MYT1L: variants seen among roughly 807,000 people sequenced by gnomAD.
The protein encoded by MYT1L is myelin transcription factor 1-like protein.
In MYT1L, 12 loss-of-function variants were observed where a neutral mutation model predicts 126.7. That is an observed-to-expected ratio of 0.09 (90% CI 0.06 to 0.15). MYT1L has a LOEUF of 0.15. MYT1L is among the 10% of genes least tolerant of loss of function. MYT1L has a pLI of 1.00. For synonymous variants in MYT1L, 541 were observed against 604.2 expected, an observed-to-expected ratio of 0.90 and a Z score of 1.53; for missense variants, 979 against 1,585.2, an observed-to-expected ratio of 0.62 and a Z score of 6.49.
chr2:2,265,489 C>A (rs1435496194), intron 2 of MYT1L, among the ~76,000 whole-genome samples: 1 of 152,004 alleles, frequency 6.6e-6, no homozygotes, highest in Non-Finnish European at 1.5e-5. Context: ...AGAGCTGCAG[C>A]CAGTGGCATG....
intron 21 of MYT1L, among the ~76,000 whole-genome samples, chr2:1,832,658 G>A (rs763377828): frequency 1.9e-4 from 29 of 152,066 alleles, no homozygotes; most frequent in Non-Finnish European, 3.5e-4. Flanking sequence ...GCTCTCCTCC[G>A]CGGCCACCAA....
At chr2:1,821,880 A>G (rs2038586055) in intron 21 of MYT1L, among the ~76,000 whole-genome samples, 2 of 152,256 alleles carry the variant, frequency 1.3e-5, no homozygotes, top group East Asian at 3.9e-4. Flanking sequence ...TCCTGTTTCC[A>G]GCTCTTCCTA....
intron 2 of MYT1L, among the ~76,000 whole-genome samples, chr2:2,200,356 T>G (rs2148819294): frequency 6.6e-6 from 1 of 152,286 alleles, no homozygotes; most frequent in Admixed American, 6.5e-5. Context: ...GCGAACTGCC[T>G]TCCTTGTGGA....
chr2:2,272,237 C>A (rs1281949897), intron 2 of MYT1L, among the ~76,000 whole-genome samples: 1 of 152,176 alleles, frequency 6.6e-6, no homozygotes, highest in African/African-American at 2.4e-5. Flanking sequence ...ACCCTTATTG[C>A]CCAGCTCTCT....
intron 9 of MYT1L, among the ~76,000 whole-genome samples, chr2:1,939,781 A>T (rs1200382073): frequency 6.6e-6 from 1 of 152,238 alleles, no homozygotes; most frequent in East Asian, 1.9e-4. Flanking sequence ...AGAGACTAGA[A>T]GATATTCCAT....
At chr2:1,829,604 T>C in intron 21 of MYT1L, among the ~76,000 whole-genome samples, 1 of 122,814 alleles carries the variant, frequency 8.1e-6, no homozygotes, top group Non-Finnish European at 1.7e-5. Context: ...CATGCACCTG[T>C]GAACTGACCC....
chr2:2,046,577 T>A (rs1351373869), intron 4 of MYT1L, among the ~76,000 whole-genome samples: 3 of 152,232 alleles, frequency 2.0e-5, no homozygotes, highest in Admixed American at 2.0e-4. Context: ...GTATAAATAC[T>A]GTGATTATTC....
chr2:2,232,218 A>G (rs1238403646), intron 2 of MYT1L, among the ~76,000 whole-genome samples: 1 of 152,248 alleles, frequency 6.6e-6, no homozygotes, highest in Non-Finnish European at 1.5e-5. Context: ...AAGAGGGGAC[A>G]GTCAGCATCC....
At chr2:2,081,365 C>T (rs1687912) in intron 3 of MYT1L, among the ~76,000 whole-genome samples, 145,900 of 152,218 alleles carry the variant, frequency 0.96, 69,977 homozygotes, top group East Asian at 1. Context: ...CAGTTCTGGA[C>T]TCCTACTTCC....
intron 3 of MYT1L, among the ~76,000 whole-genome samples, chr2:2,159,202 C>T (rs2087354135): frequency 6.6e-6 from 1 of 152,138 alleles, no homozygotes; most frequent in Non-Finnish European, 1.5e-5. Context: ...ACCTGCTTTT[C>T]AGCCTGTGCT....
intron 8 of MYT1L, among the ~76,000 whole-genome samples, chr2:1,976,976 A>G (rs115543310): frequency 3.6e-3 from 543 of 152,350 alleles, no homozygotes; most frequent in African/African-American, 0.012. Context: ...TTAGTGATGT[A>G]GTGGAAGCTA....
chr2:2,193,933 T>G (rs1167489678), intron 2 of MYT1L, among the ~76,000 whole-genome samples: 8 of 151,906 alleles, frequency 5.3e-5, no homozygotes, highest in Non-Finnish European at 4.4e-5. Flanking sequence ...GAACAACATC[T>G]GTATATAAAA....
intron 1 of MYT1L, among the ~76,000 whole-genome samples, chr2:2,318,363 T>A (rs1370056446): frequency 6.6e-6 from 1 of 152,220 alleles, no homozygotes; most frequent in African/African-American, 2.4e-5. Flanking sequence ...CCACTCTTAC[T>A]AACCCCTAGG....
chr2:2,313,582 AG>A (rs1226657180), intron 1 of MYT1L, among the ~76,000 whole-genome samples: 5 of 152,098 alleles, frequency 3.3e-5, no homozygotes, highest in African/African-American at 1.2e-4. Flanking sequence ...GACTCAATAT[AG>A]GGAAAGACCC....
chr2:2,131,905 C>CTTTT (rs58810405), intron 3 of MYT1L, among the ~76,000 whole-genome samples: 21 of 111,080 alleles, frequency 1.9e-4, no homozygotes, highest in Non-Finnish European at 2.1e-4. Flanking sequence ...AGAGTTCATC[C>CTTTT]TTTTTTTTTT....
chr2:2,047,628 T>C (rs1179954170), intron 4 of MYT1L, among the ~76,000 whole-genome samples: 1 of 152,162 alleles, frequency 6.6e-6, no homozygotes. Context: ...TCAACACCGA[T>C]TTTTCATGAT....
chr2:2,009,579 T>C (rs756254439), intron 4 of MYT1L, among the ~76,000 whole-genome samples: 1 of 152,264 alleles, frequency 6.6e-6, no homozygotes, highest in Non-Finnish European at 1.5e-5. Flanking sequence ...AATTCATTCA[T>C]AATTCTAACA....
intron 14 of MYT1L, among the ~76,000 whole-genome samples, chr2:1,893,449 G>A (rs1032543399): frequency 1.2e-4 from 18 of 152,262 alleles, no homozygotes; most frequent in South Asian, 8.3e-4. Context: ...CCCTGGGACC[G>A]TTGTGAGTGT....
intron 18 of MYT1L, among the ~76,000 whole-genome samples, chr2:1,863,859 C>T (rs888414707): frequency 3.9e-5 from 6 of 152,208 alleles, no homozygotes; most frequent in Admixed American, 3.9e-4. Flanking sequence ...AAATCTTGTT[C>T]TGAACATTCA....
Sources: gnomAD v4.1 joint callset for allele counts (sites outside exome capture counted in the v4.1 genomes callset) on GRCh38, gnomAD v4.1.1 for gene constraint, MANE v1.5 for transcripts, NCBI Gene and HGNC (gene_info 2026-07-23, HGNC 2026-07-21) for gene names.